Variants in ADGRL3 observed in about 807,000 individuals in gnomAD.
ADGRL3 encodes calcium-independent alpha-latrotoxin receptor 3.
ADGRL3 carries 62 observed loss-of-function variants against 153.5 expected under a neutral mutation model. The ratio of observed to expected loss-of-function variants is 0.40; its 90% CI spans 0.33 to 0.50. The LOEUF (loss-of-function observed/expected upper bound fraction) is 0.50, where lower values mean the gene tolerates loss of function less well. Ranked by LOEUF, ADGRL3 falls within the 20% of genes least tolerant of loss-of-function variation. The pLI is 0.47. For synonymous variants in ADGRL3, 710 were observed against 672.5 expected (o/e 1.06, Z -0.86); for missense variants, 1,641 against 1,859.4 (o/e 0.88, Z 2.16).
intron 25 of ADGRL3, among the ~76,000 whole-genome samples, chr4:62,066,059 G>A (rs963730259): frequency 3.9e-5 from 6 of 152,042 alleles, no homozygotes; most frequent in African/African-American, 1.4e-4. Context: ...AGAGTCAGAA[G>A]TTGAATTGTA....
At chr4:61,206,978 G>C (rs1400020509) in intron 1 of ADGRL3, among the ~76,000 whole-genome samples, 1 of 147,996 alleles carries the variant, frequency 6.8e-6, no homozygotes, top group Admixed American at 6.7e-5. Context: ...CCAAGACTGT[G>C]TCTCAAAAAA....
intron 5 of ADGRL3, 37 bp from the exon 6 acceptor site, chr4:61,676,789 T>C: frequency 7.4e-7 from 1 of 1,358,002 alleles, no homozygotes; most frequent in South Asian, 1.2e-5. Context: ...TAACTTTGCA[T>C]AAGCTTACTA....
chr4:61,778,341 G>A (rs79658916), intron 8 of ADGRL3, among the ~76,000 whole-genome samples: 2,056 of 152,238 alleles, frequency 0.014, 25 homozygotes, highest in Middle Eastern at 0.037. Context: ...TTGGTTGAGC[G>A]GTACTCTCTA....
intron 4 of ADGRL3, among the ~76,000 whole-genome samples, chr4:61,568,581 AGTG>A (rs2098825884): frequency 6.6e-6 from 1 of 152,176 alleles, no homozygotes; most frequent in Non-Finnish European, 1.5e-5. Flanking sequence ...ATACTTAAAA[AGTG>A]GTGAAGTCAG....
intron 5 of ADGRL3, among the ~76,000 whole-genome samples, chr4:61,646,012 C>T: frequency 6.6e-6 from 1 of 152,010 alleles, no homozygotes. Flanking sequence ...TCTAAACTTC[C>T]CTTCTCGCTT....
At chr4:61,471,665 T>A (rs564206430) in intron 2 of ADGRL3, among the ~76,000 whole-genome samples, 1 of 152,110 alleles carries the variant, frequency 6.6e-6, no homozygotes, top group South Asian at 2.1e-4. Flanking sequence ...CTTAAAATGA[T>A]CTGGAGTGCC....
chr4:61,769,725 T>A (rs1207585485), intron 8 of ADGRL3, among the ~76,000 whole-genome samples: 1 of 147,214 alleles, frequency 6.8e-6, no homozygotes, highest in Non-Finnish European at 1.5e-5. Flanking sequence ...GGGTTTGTTC[T>A]CTGGCGGGTA....
chr4:61,565,290 A>G (rs1362057637), intron 4 of ADGRL3, among the ~76,000 whole-genome samples: 2 of 152,192 alleles, frequency 1.3e-5, no homozygotes, highest in Non-Finnish European at 2.9e-5. Flanking sequence ...TTTTACTAAA[A>G]AACTCAGGCT....
rs201688304 is a variant in ADGRL3, at chr4:61,348,606, G to A, written c.-239-34518G>A. ...TTAAATTTTTACAAGACAGAATTAA[G>A]GTTATTTAATTGGTGAAAATAGATT... On this transcript the variant is annotated intron_variant, in intron 1 of 26. Coordinates refer to ENST00000683033, the MANE Select transcript of ADGRL3 (RefSeq NM_001387552.1). 5.9e-5 allele frequency among the ~76,000 whole-genome samples: 9 copies of A among 152,056 alleles called. No homozygotes were observed. In the East Asian group the frequency reaches 1.5e-3, roughly 26 times the overall value.
chr4:61,396,776 T>C (rs541334634), intron 2 of ADGRL3, among the ~76,000 whole-genome samples: 1 of 152,034 alleles, frequency 6.6e-6, no homozygotes, highest in East Asian at 1.9e-4. Flanking sequence ...AATGGATTCA[T>C]TTATAATTCA....
At chr4:61,733,667 G>T in intron 8 of ADGRL3, 113 bp downstream of exon 8, 1 of 782,408 alleles carries the variant, frequency 1.3e-6, no homozygotes, top group African/African-American at 1.8e-5. Context: ...CTGTGTACCT[G>T]AAAATTGTTC....
chr4:61,448,728 GAGGGAA>G (rs2097623389), intron 2 of ADGRL3, among the ~76,000 whole-genome samples: 1 of 129,416 alleles, frequency 7.7e-6, no homozygotes, highest in African/African-American at 2.7e-5. Context: ...AGGAAGGAGA[GAGGGAA>G]GGAAGGAAGG....
At chr4:61,407,203 G>A (rs1250316387) in intron 2 of ADGRL3, among the ~76,000 whole-genome samples, 5 of 151,828 alleles carry the variant, frequency 3.3e-5, no homozygotes, top group Non-Finnish European at 5.9e-5. Context: ...GATAATTTGA[G>A]GTTTTTTTGT....
intron 25 of ADGRL3, among the ~76,000 whole-genome samples, chr4:62,048,007 G>A (rs999504894): frequency 6.6e-5 from 10 of 152,112 alleles, no homozygotes; most frequent in African/African-American, 2.4e-4. Context: ...CTTCAGGATG[G>A]TTTATTCATT....
At chr4:61,758,068 A>G (rs934083190) in intron 8 of ADGRL3, among the ~76,000 whole-genome samples, 13 of 149,298 alleles carry the variant, frequency 8.7e-5, no homozygotes, top group Non-Finnish European at 1.5e-4. Flanking sequence ...GAATAGGTGC[A>G]GTGTGGTGCA....
chr4:61,325,660 T>G (rs1418976887), intron 1 of ADGRL3, among the ~76,000 whole-genome samples: 4 of 152,214 alleles, frequency 2.6e-5, no homozygotes, highest in African/African-American at 7.2e-5. Flanking sequence ...CTAGCTTTAT[T>G]TTATTTTTTT....
chr4:61,233,162 C>T (rs905923653), intron 1 of ADGRL3, among the ~76,000 whole-genome samples: 60 of 152,220 alleles, frequency 3.9e-4, no homozygotes, highest in Admixed American at 2.0e-3. Flanking sequence ...ATAATAATAA[C>T]ATCATCTAAT....
chr4:61,280,480 A>C (rs892494244), intron 1 of ADGRL3, among the ~76,000 whole-genome samples: 4 of 151,962 alleles, frequency 2.6e-5, no homozygotes, highest in Non-Finnish European at 5.9e-5. Context: ...TCTCCCTAAC[A>C]CACCTAGTAT....
intron 6 of ADGRL3, among the ~76,000 whole-genome samples, chr4:61,694,803 A>T: frequency 6.6e-6 from 1 of 152,242 alleles, no homozygotes. Context: ...CAATCCTCTC[A>T]AACCCTGATA....
Sources: allele counts gnomAD v4.1 joint callset (sites outside exome capture counted in the v4.1 genomes callset), GRCh38; gene constraint gnomAD v4.1.1; transcripts MANE v1.5; gene names NCBI Gene and HGNC (gene_info 2026-07-23, HGNC 2026-07-21).